LHFPL2: variants seen among roughly 807,000 people sequenced by gnomAD.
LHFPL2 encodes LHFPL tetraspan subfamily member 2, also known as LHFPL tetraspan subfamily member 2 protein.
In LHFPL2, 7 loss-of-function variants were observed where a neutral mutation model predicts 17.5. The ratio of observed to expected loss-of-function variants is 0.40; its 90% CI spans 0.23 to 0.75. The LOEUF (loss-of-function observed/expected upper bound fraction) is 0.75. Ranked by LOEUF, LHFPL2 falls within the 30% of genes least tolerant of loss-of-function variation. The probability of loss-of-function intolerance (pLI) is 0.37; values close to 1 mark genes in which losing one functional copy is unlikely to be tolerated. For missense variants in LHFPL2, 241 were observed against 294.8 expected, an observed-to-expected ratio of 0.82 and a Z score of 1.34; for synonymous variants, 134 against 116.2, an observed-to-expected ratio of 1.15 and a Z score of -0.99.
At chr5:78,536,191 C>A (rs959101267) in intron 3 of LHFPL2, among the ~76,000 whole-genome samples, 1 of 152,142 alleles carries the variant, frequency 6.6e-6, no homozygotes, top group African/African-American at 2.4e-5. Flanking sequence ...GGATGCAGAA[C>A]TCATTTCGGG....
intron 2 of LHFPL2, among the ~76,000 whole-genome samples, chr5:78,569,798 G>T (rs894203452): frequency 2.6e-5 from 4 of 152,180 alleles, no homozygotes; most frequent in African/African-American, 9.7e-5. Context: ...AGACCTCGCG[G>T]ACTCTAAGCC....
intron 4 of LHFPL2, among the ~76,000 whole-genome samples, chr5:78,491,688 C>G (rs767289948): frequency 1.1e-4 from 17 of 152,140 alleles, no homozygotes; most frequent in Admixed American, 5.9e-4. Flanking sequence ...GACCGACATA[C>G]GATTCCTCAC....
chr5:78,528,078 C>G (rs190441118), intron 3 of LHFPL2, among the ~76,000 whole-genome samples: 53 of 152,306 alleles, frequency 3.5e-4, no homozygotes, highest in Non-Finnish European at 8.8e-5. Flanking sequence ...AACTGTGCTC[C>G]CAGTAACATA....
intron 2 of LHFPL2, among the ~76,000 whole-genome samples, chr5:78,592,784 TACACAC>T (rs370959500): frequency 7.1e-6 from 1 of 140,208 alleles, no homozygotes; most frequent in Non-Finnish European, 1.5e-5. Flanking sequence ...AAAATTCAGA[TACACAC>T]ACACACACAC....
At chr5:78,492,201 G>T (rs1461575067) in intron 4 of LHFPL2, among the ~76,000 whole-genome samples, 1 of 152,198 alleles carries the variant, frequency 6.6e-6, no homozygotes, top group Non-Finnish European at 1.5e-5. Flanking sequence ...TGTAGCCTCT[G>T]CCCTAAAGCT....
At position 78,582,497 on chromosome 5, in the gene LHFPL2, G is replaced by A. The variant is rs1242548199; in HGVS notation, c.-244-17626C>T. On this transcript the variant is annotated intron_variant, in intron 2 of 4. Coordinates refer to ENST00000380345, the MANE Select transcript of LHFPL2 (RefSeq NM_005779.3). ...TCTGGTATGTTGTGTCTTTGTTCTCGTTGGTTTCAAAGAACATCTTTATTT... is the reference window on the plus strand; with the variant it reads ...TCTGGTATGTTGTGTCTTTGTTCTCATTGGTTTCAAAGAACATCTTTATTT... 1.8e-4 allele frequency among the ~76,000 whole-genome samples: 27 copies of A among 150,864 alleles called. No individual in the cohort carries two copies. In the East Asian group the frequency reaches 2.7e-3, roughly 15 times the overall value.
intron 2 of LHFPL2, among the ~76,000 whole-genome samples, chr5:78,620,493 A>G (rs533111264): frequency 4.3e-4 from 66 of 152,316 alleles, no homozygotes; most frequent in Non-Finnish European, 6.3e-4. Context: ...TAAGGGAGCA[A>G]CAGATTGAAA....
chr5:78,582,128 GTGGT>G (rs1383323275), intron 2 of LHFPL2, among the ~76,000 whole-genome samples: 1 of 152,204 alleles, frequency 6.6e-6, no homozygotes, highest in Admixed American at 6.5e-5. Context: ...TGTGGGATCA[GTGGT>G]GATACCCCTT....
At chr5:78,635,048 G>C (rs1745384511) in intron 1 of LHFPL2, among the ~76,000 whole-genome samples, 1 of 152,308 alleles carries the variant, frequency 6.6e-6, no homozygotes. Context: ...CATTCCCAGA[G>C]TTCTGGTCCC....
At chr5:78,531,344 G>A (rs1425105205) in intron 3 of LHFPL2, among the ~76,000 whole-genome samples, 5 of 151,552 alleles carry the variant, frequency 3.3e-5, no homozygotes, top group Admixed American at 2.6e-4. Flanking sequence ...GAATCCACGA[G>A]GCAGAGGTTG....
chr5:78,636,634 C>T (rs746710134), intron 1 of LHFPL2, among the ~76,000 whole-genome samples: 7 of 152,176 alleles, frequency 4.6e-5, no homozygotes, highest in Non-Finnish European at 7.3e-5. Flanking sequence ...TACTTAACAA[C>T]GCTCATTATC....
chr5:78,592,621 T>TAA (rs112749334), intron 2 of LHFPL2, among the ~76,000 whole-genome samples: 3 of 129,512 alleles, frequency 2.3e-5, no homozygotes, highest in African/African-American at 8.6e-5. Flanking sequence ...AAAATTCAGA[T>TAA]ACACACACAC....
rs1210473996 is a variant in LHFPL2, at chr5:78,522,881, TATG to T, written c.-185-12486_-185-12484del. On this transcript the variant is annotated intron_variant, in intron 3 of 4. Transcript: ENST00000380345. ...AACCAAGATAAGGTTTTATCAGGGA[TATG>T]ATATCTGGGAAGTAAACAGACGGTT... 2.0e-5 allele frequency among the ~76,000 whole-genome samples: 3 copies of T among 152,140 alleles called. No homozygotes were observed. The East Asian group carries it at 5.8e-4, about 29-fold the overall frequency.
chr5:78,602,954 G>A (rs1047147376), intron 2 of LHFPL2, among the ~76,000 whole-genome samples: 1 of 152,140 alleles, frequency 6.6e-6, no homozygotes, highest in East Asian at 1.9e-4. Context: ...GCAGTGGTGC[G>A]ATCTCAGCTC....
At chr5:78,519,057 C>T (rs1755371635) in intron 3 of LHFPL2, among the ~76,000 whole-genome samples, 1 of 151,964 alleles carries the variant, frequency 6.6e-6, no homozygotes, top group African/African-American at 2.4e-5. Flanking sequence ...CTGTCCCATT[C>T]TATGCCCAGT....
At position 78,486,898 on chromosome 5, in the gene LHFPL2, T is replaced by TTCTGATAAGTTTATGGAAAAA. The variant is rs1754263196; in HGVS notation, c.*1978_*1998dup. The TTCTGATAAGTTTATGGAAAAA allele has an allele frequency of 6.6e-6, 1 of 152,172 alleles. No individual in the cohort carries two copies. Among genetic ancestry groups the TTCTGATAAGTTTATGGAAAAA allele is most frequent in the African/African-American group, 2.4e-5 (1 of 41,444 alleles). The allele number at this position is 152,172 out of a possible 1,614,324, so 9.4% of individuals were successfully genotyped here. ...TCCAAGAAAGAAAGAAAAGTGAGTCTTCTGATAAGTTTATGGAAAAATTTT... is the reference window on the plus strand; with the variant it reads ...TCCAAGAAAGAAAGAAAAGTGAGTCTTCTGATAAGTTTATGGAAAAATCTGATAAGTTTATGGAAAAATTTT... On this transcript the variant is annotated 3_prime_UTR_variant, in exon 5 of 5. Transcript: ENST00000380345.
chr5:78,573,767 A>T (rs557236371), intron 2 of LHFPL2, among the ~76,000 whole-genome samples: 1 of 152,370 alleles, frequency 6.6e-6, no homozygotes, highest in South Asian at 2.1e-4. Flanking sequence ...TGGGGGAAAA[A>T]TAAATCACAA....
chr5:78,498,973 T>G (rs907813180), intron 4 of LHFPL2, among the ~76,000 whole-genome samples: 2 of 152,130 alleles, frequency 1.3e-5, no homozygotes, highest in Admixed American at 1.3e-4. Context: ...GTGTTCCTAT[T>G]CCTCAGTTTC....
chr5:78,495,677 T>G (rs1754582675), intron 4 of LHFPL2, among the ~76,000 whole-genome samples: 1 of 152,088 alleles, frequency 6.6e-6, no homozygotes, highest in Admixed American at 6.5e-5. Flanking sequence ...AACAGCTTAT[T>G]CCACAGCTAT....
Sources: gnomAD v4.1 joint callset for allele counts (sites outside exome capture counted in the v4.1 genomes callset) on GRCh38, gnomAD v4.1.1 for gene constraint, MANE v1.5 for transcripts, NCBI Gene and HGNC (gene_info 2026-07-23, HGNC 2026-07-21) for gene names.